Variants in PSMD1 observed in about 807,000 individuals in gnomAD.
PSMD1 encodes the protein 26S proteasome non-ATPase regulatory subunit 1.
A neutral mutation model predicts 119.0 loss-of-function variants in PSMD1; 18 were observed. The observed-to-expected ratio is 0.15, with a 90% CI of 0.10 to 0.22. The LOEUF (loss-of-function observed/expected upper bound fraction) is 0.22. Ranked by LOEUF, PSMD1 falls within the 10% of genes least tolerant of loss-of-function variation. The pLI is 1.00. For missense variants in PSMD1, 702 were observed against 1,158.5 expected (o/e 0.61, Z 5.72); for synonymous variants, 374 against 396.6 (o/e 0.94, Z 0.68).
At chr2:231,153,708 A>G in intron 19 of PSMD1, 42 bp downstream of exon 19, 1 of 1,276,484 alleles carries the variant, frequency 7.8e-7, no homozygotes, top group Non-Finnish European at 1.1e-6. Context: ...ATTTAAACTA[A>G]ATCTAATAAA....
intron 18 of PSMD1, among the ~76,000 whole-genome samples, chr2:231,150,377 T>C (rs1443580460): frequency 6.6e-6 from 1 of 151,728 alleles, no homozygotes; most frequent in African/African-American, 2.4e-5. Flanking sequence ...TATATATGTC[T>C]ATATAGATAT....
intron 16 of PSMD1, among the ~76,000 whole-genome samples, chr2:231,120,007 C>G (rs1016319724): frequency 6.7e-6 from 1 of 148,318 alleles, no homozygotes; most frequent in African/African-American, 2.5e-5. Flanking sequence ...GGCTGGAGTG[C>G]AGTGGCACCA....
At chr2:231,131,488 C>T (rs573369507) in intron 16 of PSMD1, among the ~76,000 whole-genome samples, 1 of 46,244 alleles carries the variant, frequency 2.2e-5, no homozygotes, top group Non-Finnish European at 3.2e-5. Context: ...CCTTGCCGGG[C>T]GCGGTGGCTC....
intron 18 of PSMD1, among the ~76,000 whole-genome samples, chr2:231,150,930 C>T (rs960415779): frequency 6.6e-6 from 1 of 152,160 alleles, no homozygotes; most frequent in Non-Finnish European, 1.5e-5. Flanking sequence ...CGCTAAGGAA[C>T]TTTATTGCTT....
At chr2:231,083,420 C>T (rs1193843643) in intron 13 of PSMD1, 147 bp from the exon 14 acceptor site, 2 of 759,270 alleles carry the variant, frequency 2.6e-6, no homozygotes, top group East Asian at 2.7e-5. Flanking sequence ...CATAAAGTAT[C>T]CTTTTTACCA....
intron 4 of PSMD1, among the ~76,000 whole-genome samples, chr2:231,063,474 C>T (rs2125152566): frequency 6.6e-6 from 1 of 152,288 alleles, no homozygotes; most frequent in African/African-American, 2.4e-5. Flanking sequence ...AGATATTTCA[C>T]ATTGCTGATT....
intron 18 of PSMD1, among the ~76,000 whole-genome samples, chr2:231,146,978 G>C (rs746979037): frequency 5.3e-5 from 8 of 152,300 alleles, no homozygotes; most frequent in Non-Finnish European, 8.8e-5. Flanking sequence ...TAGGATGTCA[G>C]TGCTAGTACC....
At chr2:231,153,846 G>A (rs1326574003) in intron 19 of PSMD1, among the ~76,000 whole-genome samples, 180 bp downstream of exon 19, 1 of 152,216 alleles carries the variant, frequency 6.6e-6, no homozygotes, top group Non-Finnish European at 1.5e-5. Flanking sequence ...GGGCGCAATG[G>A]TTCATGCCTA....
At position 231,072,345 on chromosome 2, in the gene PSMD1, G is replaced by C. The variant is rs1694061216; in HGVS notation, c.811G>C (p.Val271Leu). The C allele has an allele frequency of 1.9e-6, 3 of 1,613,954 alleles. No individual in the cohort carries two copies. The highest frequency in any genetic ancestry group is 2.5e-6 in the Non-Finnish European group (3 of 1,179,942). Residue 271 changes from valine to leucine, a missense_variant, in exon 7 of 25, where the codon GTT becomes CTT. Val to Leu is a conservative substitution (Grantham distance 32). This residue lies in a region of PSMD1 where 69 missense variants were observed against 71.6 expected (regional missense o/e 0.96). Coordinates refer to ENST00000308696, the MANE Select transcript of PSMD1 (RefSeq NM_002807.4). Reference protein sequence around the residue: ...LSSVIQNLRTVGTPIASVPGS... With the variant: ...LSSVIQNLRTLGTPIASVPGS... ...ATCTGTAATCCAGAATCTTCGAACT[G>C]TTGGCACCCCTATTGCTTCTGTGCC... is the stretch of plus-strand genomic sequence containing the variant.
At chr2:231,118,300 A>G (rs1485127351) in intron 16 of PSMD1, among the ~76,000 whole-genome samples, 1 of 152,172 alleles carries the variant, frequency 6.6e-6, no homozygotes, top group Non-Finnish European at 1.5e-5. Context: ...ACACTCCTAC[A>G]TAGAAACAAG....
chr2:231,108,717 AGATC>A, intron 16 of PSMD1: 1 of 1,614,120 alleles, frequency 6.2e-7, no homozygotes, highest in Non-Finnish European at 8.5e-7. Context: ...TTCCGGAAGT[AGATC>A]TTACTGGAGC....
chr2:231,143,234 G>A (rs149636370), intron 17 of PSMD1, among the ~76,000 whole-genome samples: 1 of 100,456 alleles, frequency 1.0e-5, no homozygotes, highest in Admixed American at 1.1e-4. Flanking sequence ...GTTTGGTTTG[G>A]TTTGGTTTGG....
chr2:231,092,256 C>T (rs952362718), intron 16 of PSMD1, among the ~76,000 whole-genome samples: 18 of 152,104 alleles, frequency 1.2e-4, no homozygotes, highest in African/African-American at 4.3e-4. Flanking sequence ...CTCCTTAATA[C>T]CATGATACTA....
chr2:231,151,489 G>T (rs1195527882), intron 18 of PSMD1, among the ~76,000 whole-genome samples: 1 of 151,990 alleles, frequency 6.6e-6, no homozygotes, highest in Non-Finnish European at 1.5e-5. Flanking sequence ...ATAAAAACTA[G>T]CTTTTTAAAG....
At chr2:231,124,708 C>T (rs569686350) in intron 16 of PSMD1, among the ~76,000 whole-genome samples, 3 of 152,130 alleles carry the variant, frequency 2.0e-5, no homozygotes, top group Non-Finnish European at 1.5e-5. Context: ...CAAACCAGTT[C>T]TTTTTTTGTT....
intron 16 of PSMD1, among the ~76,000 whole-genome samples, chr2:231,092,593 G>A (rs368727342): frequency 6.6e-6 from 1 of 152,130 alleles, no homozygotes; most frequent in Non-Finnish European, 1.5e-5. Flanking sequence ...CAAATTGTAC[G>A]GGAATGAGAC....
chr2:231,088,211 G>A (rs1694503581), intron 16 of PSMD1, among the ~76,000 whole-genome samples: 2 of 152,104 alleles, frequency 1.3e-5, no homozygotes, highest in Admixed American at 1.3e-4. Flanking sequence ...ATTAATAATG[G>A]TAATTGTAGT....
At chr2:231,114,731 T>A (rs1026086177) in intron 16 of PSMD1, among the ~76,000 whole-genome samples, 11 of 152,182 alleles carry the variant, frequency 7.2e-5, no homozygotes, top group African/African-American at 2.7e-4. Flanking sequence ...CTTAAAAAAA[T>A]TTTAGGTGTG....
intron 19 of PSMD1, among the ~76,000 whole-genome samples, chr2:231,155,111 A>G (rs1696456349): frequency 6.6e-6 from 1 of 152,226 alleles, no homozygotes; most frequent in South Asian, 2.1e-4. Flanking sequence ...TCATTCTTCA[A>G]CTATGTGATT....
Sources: gnomAD v4.1 joint callset for allele counts (sites outside exome capture counted in the v4.1 genomes callset) on GRCh38, gnomAD v4.1.1 for gene constraint, gnomAD v4.1.1 regional missense constraint, MANE v1.5 for transcripts, NCBI Gene and HGNC (gene_info 2026-07-23, HGNC 2026-07-21) for gene names.